Variants in CDKN1A observed in about 807,000 individuals in gnomAD.
The protein encoded by CDKN1A is cyclin dependent kinase inhibitor 1A.
Under a neutral mutation model 14.8 loss-of-function variants are expected in CDKN1A, and 14 were observed. That is an observed-to-expected ratio of 0.94 (90% CI 0.62 to 1.48). CDKN1A has a LOEUF of 1.48. Ranked by LOEUF, CDKN1A falls within the 40% of genes most tolerant of loss-of-function variation. CDKN1A has a pLI of 0.00. For missense variants in CDKN1A, 203 were observed against 231.7 expected, an observed-to-expected ratio of 0.88 and a Z score of 0.80; for synonymous variants, 92 against 93.5, an observed-to-expected ratio of 0.98 and a Z score of 0.09.
intron 1 of CDKN1A, among the ~76,000 whole-genome samples, chr6:36,680,307 C>CGTGTGTGTGTGTGT (rs59454180): frequency 0.02 from 2,656 of 133,204 alleles, 72 homozygotes; most frequent in African/African-American, 0.028. Context: ...TCTGCGCGGG[C>CGTGTGTGTGTGTGT]GTGTGTGTGT....
intron 1 of CDKN1A, 101 bp from the exon 2 acceptor site, chr6:36,683,995 TG>T: frequency 2.7e-6 from 3 of 1,117,202 alleles, no homozygotes; most frequent in South Asian, 1.3e-5. Context: ...AGAGACCCTC[TG>T]GTAGGAAGAC....
intron 1 of CDKN1A, among the ~76,000 whole-genome samples, chr6:36,681,411 TTC>T (rs1554185413): frequency 1.5e-4 from 13 of 88,860 alleles, no homozygotes; most frequent in South Asian, 8.0e-4. Flanking sequence ...CTTTCTTCCT[TTC>T]TCTTTCTCTC....
chr6:36,681,597 T>TA (rs1330971563), intron 1 of CDKN1A, among the ~76,000 whole-genome samples: 2 of 126,728 alleles, frequency 1.6e-5, no homozygotes, highest in Non-Finnish European at 3.4e-5. Context: ...TTTTTTTTTT[T>TA]TTTTTTTTTT....
At chr6:36,680,350 G>A (rs1486158398) in intron 1 of CDKN1A, 2 of 147,698 alleles carry the variant, frequency 1.4e-5, no homozygotes, top group African/African-American at 5.0e-5. Flanking sequence ...GTGTGTCTGT[G>A]TCAGAGACGG....
upstream of CDKN1A, chr6:36,677,838 T>G (rs1761744618): frequency 7.4e-7 from 1 of 1,360,040 alleles, no homozygotes; most frequent in Non-Finnish European, 9.7e-7. Flanking sequence ...ATACGGGCTA[T>G]GTGGGGAGTA....
rs2150313779 is a variant in CDKN1A at position 36,684,343 on chromosome 6, G to A, written c.242G>A (p.Gly81Glu). 1 of 1,613,542 alleles carries A rather than the reference G, an allele frequency of 6.2e-7. No individual in the cohort carries two copies. The highest frequency in any genetic ancestry group is 1.1e-5 in the South Asian group (1 of 91,064). ...CTGCCCAAGCTCTACCTTCCCACGG[G>A]GCCCCGGCGAGGCCGGGATGAGTTG... Reference protein sequence around the residue: ...LGLPKLYLPTGPRRGRDELGG... With the variant: ...LGLPKLYLPTEPRRGRDELGG... The change falls in exon 2 of 3, where the codon GGG becomes GAG. Residue 81 changes from glycine to glutamate, a missense_variant. Transcript: ENST00000244741. This position sits in a 1 kb window ranked among gnomAD's most constrained non-coding sequence, Gnocchi z 6.0.
intron 1 of CDKN1A, among the ~76,000 whole-genome samples, chr6:36,681,361 TTTTCTTTCTTTCTTTC>T (rs377657015): frequency 2.0e-4 from 11 of 55,866 alleles, no homozygotes; most frequent in Non-Finnish European, 7.0e-5. Context: ...TTTTTCTTTC[TTTTCTTTCTTTCTTTC>T]TTTCTTTCTT....
intron 1 of CDKN1A, among the ~76,000 whole-genome samples, chr6:36,681,411 T>TTCTCTCTTTCTTTCTCTTTC (rs1554185413): frequency 3.4e-5 from 3 of 88,874 alleles, no homozygotes; most frequent in East Asian, 2.8e-4. Context: ...CTTTCTTCCT[T>TTCTCTCTTTCTTTCTCTTTC]TCTCTTTCTC....
At chr6:36,679,633 G>C (rs1761832972) in intron 1 of CDKN1A, among the ~76,000 whole-genome samples, 1 of 152,222 alleles carries the variant, frequency 6.6e-6, no homozygotes, top group African/African-American at 2.4e-5. Flanking sequence ...GGGACACCGC[G>C]TCGGGTCCCC....
Position 36,686,965 on chromosome 6 carries a change from G to A in CDKN1A, c.*1165G>A, listed in dbSNP as rs3176359. ...AGTTCATTGCACTTTGATTAGCAGC[G>A]GAACAAGGAGTCAGACATTTTAAGA... On this transcript the variant is annotated 3_prime_UTR_variant, in exon 3 of 3. Coordinates refer to ENST00000244741, the MANE Select transcript of CDKN1A (RefSeq NM_000389.5). The surrounding 1 kb of genome is among the most constrained non-coding windows in gnomAD (Gnocchi z 4.9). The A allele has an allele frequency of 0.013, 3,037 of 233,770 alleles. 64 individuals are homozygous for A. Among genetic ancestry groups the A allele is most frequent in the African/African-American group, 0.053 (2,411 of 45,450 alleles). The allele number at this position is 233,770 out of a possible 1,614,324, so 14.5% of individuals were successfully genotyped here.
At position 36,678,893 on chromosome 6, in the gene CDKN1A, T is replaced by G. The variant is rs1052949206; in HGVS notation, c.-6+95T>G. 59 of 985,656 alleles carry G rather than the reference T, an allele frequency of 6.0e-5. No individual in the cohort carries two copies. The highest frequency in any genetic ancestry group is 7.1e-5 in the Non-Finnish European group (59 of 830,152). 61.1% of individuals were successfully genotyped at this position (985,656 alleles called of 1,614,324 possible). A position where few individuals can be genotyped will look rare whatever the true frequency, so the allele number is the denominator to read the frequency against. ...GTGTGTCCCTGCGTGTCCGCGAGGA[T>G]GCGTGTTCGCGGGTGTGTGCTGCGT... On this transcript the variant is annotated intron_variant, in intron 1 of 2. Coordinates refer to ENST00000244741, the MANE Select transcript of CDKN1A (RefSeq NM_000389.5). The surrounding 1 kb of genome is among the most constrained non-coding windows in gnomAD (Gnocchi z 5.7).
chr6:36,681,661 C>T (rs1458908197), intron 1 of CDKN1A, among the ~76,000 whole-genome samples: 4 of 138,564 alleles, frequency 2.9e-5, no homozygotes, highest in African/African-American at 8.1e-5. Context: ...GGCGTGATCT[C>T]GGCTCACTGC....
In CDKN1A at chr6:36,684,550, C is replaced by G. The variant is rs752176462; in HGVS notation, c.445+4C>G. 1 of 1,613,396 alleles carries G rather than the reference C, an allele frequency of 6.2e-7. No individual in the cohort carries two copies. Among genetic ancestry groups the G allele is most frequent in the Admixed American group, 1.7e-5 (1 of 60,018 alleles). On this transcript the variant is annotated splice_donor_region_variant and intron_variant, in intron 2 of 2. Transcript: ENST00000244741. The surrounding 1 kb of genome is among the most constrained non-coding windows in gnomAD (Gnocchi z 6.0). ...CGGCGGCAGACCAGCATGACAGGTG[C>G]GGACATGTGCACGGAAGGACTTTGT...
At position 36,684,257 on chromosome 6, in the gene CDKN1A, C is replaced by G. The variant is rs541505866; in HGVS notation, c.156C>G (p.Asp52Glu). Residue 52 changes from aspartate to glutamate, a missense_variant, in exon 2 of 3, where the codon GAC becomes GAG. Transcript: ENST00000244741. This position sits in a 1 kb window ranked among gnomAD's most constrained non-coding sequence, Gnocchi z 6.0. Reference sequence around the variant, plus strand: ...AGGCCCGTGAGCGATGGAACTTCGACTTTGTCACCGAGACACCACTGGAGG... The same window carrying G: ...AGGCCCGTGAGCGATGGAACTTCGAGTTTGTCACCGAGACACCACTGGAGG... ...IQEARERWNF[D>E]FVTETPLEGD... 1 of 1,612,736 alleles carries G rather than the reference C, an allele frequency of 6.2e-7. No homozygotes were observed. Among genetic ancestry groups the G allele is most frequent in the South Asian group, 1.1e-5 (1 of 91,078 alleles).
In CDKN1A at chr6:36,678,845, A is replaced by T. The variant is rs1761789328; in HGVS notation, c.-6+47A>T. ...ACAGGGGACCCCGGGCCGGCGGCCCAGAGCCGAGCCAAGCGTGCCCGCGTG... is the reference window on the plus strand; with the variant it reads ...ACAGGGGACCCCGGGCCGGCGGCCCTGAGCCGAGCCAAGCGTGCCCGCGTG... On this transcript the variant is annotated intron_variant, in intron 1 of 2. Coordinates refer to ENST00000244741, the MANE Select transcript of CDKN1A (RefSeq NM_000389.5). This position sits in a 1 kb window ranked among gnomAD's most constrained non-coding sequence, Gnocchi z 5.7. The T allele has an allele frequency of 2.0e-6, 2 of 985,610 alleles. No homozygotes were observed. The highest frequency in any genetic ancestry group is 3.5e-5 in the African/African-American group (2 of 57,236). 61.1% of individuals were successfully genotyped at this position (985,610 alleles called of 1,614,324 possible). A position where few individuals can be genotyped will look rare whatever the true frequency, so the allele number is the denominator to read the frequency against.
chr6:36,676,708 G>C (rs1332151669), upstream of CDKN1A: 1 of 152,164 alleles, frequency 6.6e-6, no homozygotes, highest in Non-Finnish European at 1.5e-5. Flanking sequence ...TTAACAGCCT[G>C]CTCCCTTGCC....
At chr6:36,681,395 TTC>T (rs1761985999) in intron 1 of CDKN1A, among the ~76,000 whole-genome samples, 1 of 108,410 alleles carries the variant, frequency 9.2e-6, no homozygotes, top group Non-Finnish European at 1.8e-5. Flanking sequence ...CTTTCTTTCT[TTC>T]TTTCTTTCTT....
upstream of CDKN1A, chr6:36,677,978 T>C (rs1761751169): frequency 6.2e-6 from 6 of 973,732 alleles, 1 homozygote; most frequent in South Asian, 2.7e-5. Flanking sequence ...CCAATTCTTC[T>C]GTTTCCCTGG....
rs112834832 is a variant in CDKN1A, at chr6:36,684,878, C to T, written c.445+332C>T. 1.4e-3 allele frequency among the ~76,000 whole-genome samples: 209 copies of T among 152,352 alleles called. 1 individual carries two copies. Among genetic ancestry groups the T allele is most frequent in the African/African-American group, 4.5e-3 (189 of 41,582 alleles). ...AGGTGTCTTAACTCTGTTGGCCAGA[C>T]TGGAGTGCAGTGATACGATCATGGC... On this transcript the variant is annotated intron_variant, in intron 2 of 2. Transcript: ENST00000244741. The surrounding 1 kb of genome is among the most constrained non-coding windows in gnomAD (Gnocchi z 6.0).
Sources: allele counts gnomAD v4.1 joint callset (sites outside exome capture counted in the v4.1 genomes callset), GRCh38; gene constraint gnomAD v4.1.1; non-coding constraint Gnocchi (gnomAD v3.1); transcripts MANE v1.5; gene names NCBI Gene and HGNC (gene_info 2026-07-23, HGNC 2026-07-21).